Variants in TNFSF13 observed in about 807,000 individuals in gnomAD.
TNFSF13 encodes TNF superfamily member 13.
In TNFSF13, 18 loss-of-function variants were observed where a neutral mutation model predicts 30.7. That is an observed-to-expected ratio of 0.59 (90% CI 0.41 to 0.87). The LOEUF (loss-of-function observed/expected upper bound fraction) is 0.87, where lower values mean the gene tolerates loss of function less well. Among genes scored for constraint, TNFSF13 ranks in the 40% least tolerant of loss-of-function variants. The pLI, the probability that TNFSF13 is intolerant of heterozygous loss-of-function variation, is 0.00. For synonymous variants in TNFSF13, 116 were observed against 123.2 expected (o/e 0.94, Z 0.39); for missense variants, 286 against 308.8 (o/e 0.93, Z 0.55).
Position 7,560,441 on chromosome 17 carries a change from G to C in TNFSF13, c.596G>C (p.Ser199Thr). The change falls in exon 5 of 6, where the codon AGT becomes ACT. Residue 199 changes from serine (S) to threonine (T), a missense_variant. Coordinates refer to ENST00000338784, the MANE Select transcript of TNFSF13 (RefSeq NM_003808.4). ...GAGACTCTATTCCGATGTATAAGAAGTATGCCCTCCCACCCGGACCGGGCC... is the reference window on the plus strand; with the variant it reads ...GAGACTCTATTCCGATGTATAAGAACTATGCCCTCCCACCCGGACCGGGCC... ...RQETLFRCIRSMPSHPDRAYN... is the reference protein window; with the variant it reads ...RQETLFRCIRTMPSHPDRAYN... 1 of 1,614,208 alleles carries C rather than the reference G, an allele frequency of 6.2e-7. No individual in the cohort carries two copies. Among genetic ancestry groups the C allele is most frequent in the Non-Finnish European group, 8.5e-7 (1 of 1,180,034 alleles).
Position 7,561,590 on chromosome 17 carries a change from G to C in TNFSF13, c.*757G>C, listed in dbSNP as rs920137010. On this transcript the variant is annotated 3_prime_UTR_variant, in exon 6 of 6. Transcript: ENST00000338784. This position sits in a 1 kb window ranked among gnomAD's most constrained non-coding sequence, Gnocchi z 4.4. ...GCCCTGCTTAAAGTTAAATAAAATA[G>C]AATGAATGATACCCCGGCTCCATTT... The C allele has an allele frequency of 6.3e-6, 1 of 157,664 alleles. No individual in the cohort carries two copies. The highest frequency in any genetic ancestry group is 1.4e-5 in the Non-Finnish European group (1 of 71,236). The allele number at this position is 157,664 out of a possible 1,614,324, so 9.8% of individuals were successfully genotyped here.
rs2071200813 is a variant in TNFSF13 at position 7,561,322 on chromosome 17, C to CA, written c.*490dup. 2.2e-6 allele frequency: 1 copy of CA among 463,118 alleles called. No individual in the cohort carries two copies. Among genetic ancestry groups the CA allele is most frequent in the Non-Finnish European group, 3.9e-6 (1 of 254,114 alleles). 28.7% of individuals were successfully genotyped at this position (463,118 alleles called of 1,614,324 possible). On this transcript the variant is annotated 3_prime_UTR_variant, in exon 6 of 6. Coordinates refer to ENST00000338784, the MANE Select transcript of TNFSF13 (RefSeq NM_003808.4). The surrounding 1 kb of genome is among the most constrained non-coding windows in gnomAD (Gnocchi z 4.4). ...CCATCTATCGGACCCCAGTTTCCAT[C>CA]ACTATCTCCAGAGATGTAGCTATTA...
In TNFSF13 at chr17:7,560,834, T is replaced by C. The variant is rs1440521884; in HGVS notation, c.*1T>C. 2 of 1,613,730 alleles carry C rather than the reference T, an allele frequency of 1.2e-6. No homozygotes were observed. The highest frequency in any genetic ancestry group is 1.3e-5 in the African/African-American group (1 of 74,864). ...CTTCCTGGGGTTTGTGAAACTGTGA[T>C]TGTGTTATAAAAAGTGGCTCCCAGC... On this transcript the variant is annotated 3_prime_UTR_variant, in exon 6 of 6. Coordinates refer to ENST00000338784, the MANE Select transcript of TNFSF13 (RefSeq NM_003808.4).
At position 7,561,253 on chromosome 17, in the gene TNFSF13, C is replaced by T. The variant is rs891410384; in HGVS notation, c.*420C>T. On this transcript the variant is annotated 3_prime_UTR_variant, in exon 6 of 6. Transcript: ENST00000338784. This position sits in a 1 kb window ranked among gnomAD's most constrained non-coding sequence, Gnocchi z 4.4. Reference sequence around the variant, plus strand: ...TGCCACACCTCTCTCCAGGTGCCCTCTGCCTCTTCACCCCACAAGAAGCCT... The same window carrying T: ...TGCCACACCTCTCTCCAGGTGCCCTTTGCCTCTTCACCCCACAAGAAGCCT... 5.0e-6 allele frequency: 3 copies of T among 594,106 alleles called. No individual in the cohort carries two copies. Among genetic ancestry groups the T allele is most frequent in the Non-Finnish European group, 9.0e-6 (3 of 334,308 alleles). The allele number at this position is 594,106 out of a possible 1,614,324, so 36.8% of individuals were successfully genotyped here. A position where few individuals can be genotyped will look rare whatever the true frequency, so the allele number is the denominator to read the frequency against.
Position 7,559,319 on chromosome 17 carries a change from T to C in TNFSF13, c.258+22T>C, listed in dbSNP as rs1202008094. 3 of 1,575,456 alleles carry C rather than the reference T, an allele frequency of 1.9e-6. No homozygotes were observed. Among genetic ancestry groups the C allele is most frequent in the Non-Finnish European group, 2.6e-6 (3 of 1,158,028 alleles). On this transcript the variant is annotated intron_variant, in intron 1 of 5. Transcript: ENST00000338784. This position sits in a 1 kb window ranked among gnomAD's most constrained non-coding sequence, Gnocchi z 5.4. Reference sequence around the variant, plus strand: ...GCAGGTGAGTGAGGGGAGGAGGGTGTCTGGGAGAGGATGGTTAGCATGGGG... The same window carrying C: ...GCAGGTGAGTGAGGGGAGGAGGGTGCCTGGGAGAGGATGGTTAGCATGGGG...
chr17:7,560,603 A>C (rs2071180498), intron 5 of TNFSF13, 115 bp downstream of exon 5: 4 of 1,609,304 alleles, frequency 2.5e-6, no homozygotes, highest in Non-Finnish European at 2.5e-6. Flanking sequence ...CTGAGGAGTG[A>C]AGTGCAGAAT....
chr17:7,560,596 AG>A, intron 5 of TNFSF13, 108 bp downstream of exon 5: 1 of 1,608,328 alleles, frequency 6.2e-7, no homozygotes, highest in Admixed American at 1.7e-5. Context: ...GGCGGGTCTG[AG>A]GAGTGAAGTG....
intron 3 of TNFSF13, 42 bp from the exon 4 acceptor site, chr17:7,560,007 G>A (rs1269357746): frequency 6.2e-7 from 1 of 1,614,058 alleles, no homozygotes; most frequent in Admixed American, 1.7e-5. Flanking sequence ...AAAAGCACCT[G>A]AGAGTGCCAA....
At chr17:7,560,319 T>C (rs1407991976) in intron 4 of TNFSF13, 31 bp from the exon 5 acceptor site, 1 of 1,612,284 alleles carries the variant, frequency 6.2e-7, no homozygotes, top group Non-Finnish European at 8.5e-7. Context: ...CAGGCCATCC[T>C]GTTTTCTTCA....
intron 3 of TNFSF13, 41 bp from the exon 4 acceptor site, chr17:7,560,006 TGA>T: frequency 6.2e-7 from 1 of 1,614,044 alleles, no homozygotes; most frequent in Non-Finnish European, 8.5e-7. Flanking sequence ...AAAAAGCACC[TGA>T]GAGTGCCAAG....
chr17:7,559,632 T>C lies in TNFSF13; in HGVS notation c.267T>C (p.Asp89=). The C allele has an allele frequency of 6.2e-7, 1 of 1,613,334 alleles. No individual in the cohort carries two copies. The highest frequency in any genetic ancestry group is 8.5e-7 in the Non-Finnish European group (1 of 1,179,844). ...CCTCTTTCCATGAGCAGAGTTCCGA[T>C]GCCCTGGAAGCCTGGGAGAATGGGG... The part of the protein sequence containing the change: ...PWQSLPEQSS[D]ALEAWENGER... The change falls in exon 2 of 6, where the codon GAT becomes GAC. Residue 89 remains aspartate, a synonymous_variant. Coordinates refer to ENST00000338784, the MANE Select transcript of TNFSF13 (RefSeq NM_003808.4). The surrounding 1 kb of genome is among the most constrained non-coding windows in gnomAD (Gnocchi z 5.4).
chr17:7,558,980 CCCG>C lies in TNFSF13; in HGVS notation c.-57_-55del. 2 of 1,480,460 alleles carry C rather than the reference CCCG, an allele frequency of 1.4e-6. No individual in the cohort carries two copies. Among genetic ancestry groups the C allele is most frequent in the Non-Finnish European group, 1.8e-6 (2 of 1,111,670 alleles). 91.7% of individuals were successfully genotyped at this position (1,480,460 alleles called of 1,614,324 possible). Reference sequence around the variant, plus strand: ...CACCACTGCCCGTACCCTTACCCGCCCCGCCACCTCCTTGCTACCCCACTCTTG... The same window carrying C: ...CACCACTGCCCGTACCCTTACCCGCCCCACCTCCTTGCTACCCCACTCTTG... On this transcript the variant is annotated 5_prime_UTR_variant, in exon 1 of 6. Coordinates refer to ENST00000338784, the MANE Select transcript of TNFSF13 (RefSeq NM_003808.4). The surrounding 1 kb of genome is among the most constrained non-coding windows in gnomAD (Gnocchi z 4.3).
Position 7,559,079 on chromosome 17 carries a change from C to G in TNFSF13, c.40C>G (p.Pro14Ala), listed in dbSNP as rs373729769. Reference protein sequence around the residue: ...SSPFLLAPKGPPGNMGGPVRE... With the variant: ...SSPFLLAPKGAPGNMGGPVRE... ...TCCTTTCTTGCTAGCCCCCAAAGGG[C>G]CTCCAGGCAACATGGGGGGCCCAGT... Residue 14 changes from proline (P) to alanine (A), a missense_variant, in exon 1 of 6, where the codon CCT becomes GCT. By Grantham distance (27) the Pro-to-Ala change is conservative (BLOSUM62 -1). Coordinates refer to ENST00000338784, the MANE Select transcript of TNFSF13 (RefSeq NM_003808.4). This position sits in a 1 kb window ranked among gnomAD's most constrained non-coding sequence, Gnocchi z 5.4. 3 of 1,583,764 alleles carry G rather than the reference C, an allele frequency of 1.9e-6. No individual in the cohort carries two copies. Among genetic ancestry groups the G allele is most frequent in the African/African-American group, 1.3e-5 (1 of 74,234 alleles).
chr17:7,559,505 G>A lies in TNFSF13; in HGVS notation c.259-119G>A, dbSNP rs2071136166. The A allele has an allele frequency of 2.1e-6, 3 of 1,430,030 alleles. No individual in the cohort carries two copies. The highest frequency in any genetic ancestry group is 2.8e-6 in the Non-Finnish European group (3 of 1,059,556). The allele number at this position is 1,430,030 out of a possible 1,614,324, so 88.6% of individuals were successfully genotyped here. ...AGGGCAGCCAGCACCAACACTCAGG[G>A]TGCTGGGAAAAGGTGCGTGAGAGAT... is the stretch of plus-strand genomic sequence containing the variant. On this transcript the variant is annotated intron_variant, in intron 1 of 5. Coordinates refer to ENST00000338784, the MANE Select transcript of TNFSF13 (RefSeq NM_003808.4). This position sits in a 1 kb window ranked among gnomAD's most constrained non-coding sequence, Gnocchi z 5.4.
At chr17:7,560,578 T>G (rs1482270510) in intron 5 of TNFSF13, 90 bp downstream of exon 5, 7 of 1,610,578 alleles carry the variant, frequency 4.3e-6, no homozygotes, top group Non-Finnish European at 5.1e-6. Flanking sequence ...GTTGGAAACC[T>G]AAACAGAGGC....
At chr17:7,560,217 A>T (rs775995631) in intron 4 of TNFSF13, 50 bp downstream of exon 4, 1 of 1,613,002 alleles carries the variant, frequency 6.2e-7, no homozygotes, top group African/African-American at 1.3e-5. Context: ...TTGGCCCCCT[A>T]CTGAGGGTTC....
At chr17:7,560,224 G>T in intron 4 of TNFSF13, 57 bp downstream of exon 4, 1 of 1,612,408 alleles carries the variant, frequency 6.2e-7, no homozygotes, top group Admixed American at 1.7e-5. Flanking sequence ...CCTACTGAGG[G>T]TTCCTGACCC....
chr17:7,560,288 T>G (rs2071165943), intron 4 of TNFSF13, 62 bp from the exon 5 acceptor site: 1 of 1,613,018 alleles, frequency 6.2e-7, no homozygotes, highest in Non-Finnish European at 8.5e-7. Context: ...TTAGCGCTCC[T>G]GAGGCCTCCC....
In TNFSF13 at chr17:7,558,868, G is replaced by T; in HGVS notation, c.-172G>T. ...CGACGGAGTGCCAGGAGCACTAACA[G>T]TACCCTTAGCTTGCTTTCCTCCTCC... On this transcript the variant is annotated 5_prime_UTR_variant, in exon 1 of 6. Transcript: ENST00000338784. The surrounding 1 kb of genome is among the most constrained non-coding windows in gnomAD (Gnocchi z 4.3). The T allele has an allele frequency of 1.3e-6, 1 of 763,606 alleles. No homozygotes were observed. The highest frequency in any genetic ancestry group is 1.9e-6 in the Non-Finnish European group (1 of 518,324). The allele number at this position is 763,606 out of a possible 1,614,324, so 47.3% of individuals were successfully genotyped here.
Sources: gnomAD v4.1 joint callset for allele counts on GRCh38, gnomAD v4.1.1 for gene constraint, Gnocchi (gnomAD v3.1) non-coding constraint, MANE v1.5 for transcripts, NCBI Gene and HGNC (gene_info 2026-07-23, HGNC 2026-07-21) for gene names.